The following PTPRR variants were observed in gnomAD, a reference collection of about 807,000 sequenced individuals.
The protein encoded by PTPRR is receptor-type tyrosine-protein phosphatase R.
A neutral mutation model predicts 77.2 loss-of-function variants in PTPRR; 38 were observed. That is an observed-to-expected ratio of 0.49 (90% confidence interval 0.38 to 0.65). The LOEUF is 0.65. PTPRR is among the 30% of genes least tolerant of loss of function. The pLI is 0.00. For missense variants in PTPRR, 744 were observed against 799.2 expected, an observed-to-expected ratio of 0.93 and a Z score of 0.83; for synonymous variants, 299 against 283.1, an observed-to-expected ratio of 1.06 and a Z score of -0.57.
rs371616609 is a variant in PTPRR, at chr12:70,761,641, A to G, written c.472-15T>C. 5.9e-6 allele frequency: 9 copies of G among 1,537,130 alleles called. No individual in the cohort carries two copies. Among genetic ancestry groups the G allele is most frequent in the Non-Finnish European group, 7.9e-6 (9 of 1,138,346 alleles). On this transcript the variant is annotated splice_polypyrimidine_tract_variant and intron_variant, in intron 3 of 13. Transcript: ENST00000283228. ...TTCTTCTTTCCCTAATAAAAGCAGA[A>G]TATTTGTATTTGTTATAGACATTTT...
intron 2 of PTPRR, among the ~76,000 whole-genome samples, chr12:70,823,847 G>C (rs138650417): frequency 6.6e-6 from 1 of 152,320 alleles, no homozygotes; most frequent in Non-Finnish European, 1.5e-5. Flanking sequence ...GCTGCTCCTG[G>C]GTCTTGTAAG....
At chr12:70,908,395 C>G (rs1352666586) in intron 1 of PTPRR, among the ~76,000 whole-genome samples, 2 of 152,126 alleles carry the variant, frequency 1.3e-5, no homozygotes, top group African/African-American at 2.4e-5. Context: ...TTCCGCGTGG[C>G]TGGGAAGGCC....
Position 70,863,613 on chromosome 12 carries a change from T to G in PTPRR, c.357+29066A>C, listed in dbSNP as rs149444873. ...TGATTCCTAAAATGGTCAATTAAATTTTAATAGTTTTTTTTGTTTAACTGA... is the reference window on the plus strand; with the variant it reads ...TGATTCCTAAAATGGTCAATTAAATGTTAATAGTTTTTTTTGTTTAACTGA... On this transcript the variant is annotated intron_variant, in intron 2 of 13. Coordinates refer to ENST00000283228, the MANE Select transcript of PTPRR (RefSeq NM_002849.4). Among the ~76,000 whole-genome samples the G allele has an allele frequency of 7.5e-3, 1,132 of 151,862 alleles. 16 individuals are homozygous for G. Among genetic ancestry groups the G allele is most frequent in the African/African-American group, 0.026 (1,094 of 41,294 alleles).
intron 2 of PTPRR, among the ~76,000 whole-genome samples, chr12:70,766,761 A>C (rs1890834554): frequency 6.6e-6 from 1 of 152,148 alleles, no homozygotes; most frequent in African/African-American, 2.4e-5. Context: ...GGGCAGCCAG[A>C]GAGAAAGGTC....
At chr12:70,704,722 A>T (rs1888554531) in intron 6 of PTPRR, among the ~76,000 whole-genome samples, 1 of 152,162 alleles carries the variant, frequency 6.6e-6, no homozygotes, top group Non-Finnish European at 1.5e-5. Context: ...AGATAAACAT[A>T]TAAACTTATG....
chr12:70,768,170 A>G (rs1592745358), intron 2 of PTPRR, among the ~76,000 whole-genome samples: 3 of 152,116 alleles, frequency 2.0e-5, no homozygotes, highest in South Asian at 2.1e-4. Flanking sequence ...AAATCAGAGC[A>G]GAACTGAAGG....
chr12:70,781,059 G>A (rs1891192927), intron 2 of PTPRR, among the ~76,000 whole-genome samples: 1 of 152,190 alleles, frequency 6.6e-6, no homozygotes, highest in African/African-American at 2.4e-5. Flanking sequence ...TCACTTTCGT[G>A]ATTTGAAGTC....
chr12:70,868,936 A>G (rs147332539), intron 2 of PTPRR, among the ~76,000 whole-genome samples: 11,363 of 150,936 alleles, frequency 0.075, 701 homozygotes, highest in East Asian at 0.22. Flanking sequence ...TCACAAGGAC[A>G]AAAAACCAAA....
chr12:70,832,367 T>C (rs1017545188), intron 2 of PTPRR, among the ~76,000 whole-genome samples: 4 of 152,186 alleles, frequency 2.6e-5, no homozygotes, highest in African/African-American at 7.2e-5. Context: ...ATTCAGGTTT[T>C]TAAAAATGTA....
chr12:70,835,012 A>G (rs1464945053), intron 2 of PTPRR, among the ~76,000 whole-genome samples: 1 of 152,130 alleles, frequency 6.6e-6, no homozygotes, highest in East Asian at 1.9e-4. Flanking sequence ...TATGCTCTTA[A>G]GAAAGACATT....
At chr12:70,690,725 G>C (rs1243505534) in intron 8 of PTPRR, among the ~76,000 whole-genome samples, 2 of 152,124 alleles carry the variant, frequency 1.3e-5, no homozygotes, top group South Asian at 4.1e-4. Flanking sequence ...ATCTGATATT[G>C]GTTAGATTCG....
At chr12:70,676,980 G>T (rs532444736) in intron 10 of PTPRR, among the ~76,000 whole-genome samples, 3 of 151,714 alleles carry the variant, frequency 2.0e-5, no homozygotes, top group Admixed American at 1.3e-4. Flanking sequence ...GATAGGGAAT[G>T]CATTGAATCT....
intron 2 of PTPRR, among the ~76,000 whole-genome samples, chr12:70,842,675 C>T (rs1892416439): frequency 6.6e-6 from 1 of 152,270 alleles, no homozygotes; most frequent in East Asian, 1.9e-4. Flanking sequence ...CTGTATTTCT[C>T]TTAGAAACAC....
chr12:70,712,540 C>T (rs1203227734), intron 6 of PTPRR, among the ~76,000 whole-genome samples: 4 of 148,296 alleles, frequency 2.7e-5, no homozygotes, highest in Non-Finnish European at 4.5e-5. Context: ...TTAGGCATAC[C>T]AGATGAAGTA....
chr12:70,844,853 C>T (rs1892457625), intron 2 of PTPRR, among the ~76,000 whole-genome samples: 1 of 151,704 alleles, frequency 6.6e-6, no homozygotes, highest in African/African-American at 2.4e-5. Context: ...ATGAAAATAC[C>T]AATATAGTAT....
chr12:70,791,835 T>C (rs570703474), intron 2 of PTPRR, among the ~76,000 whole-genome samples: 1 of 152,188 alleles, frequency 6.6e-6, no homozygotes, highest in South Asian at 2.1e-4. Flanking sequence ...GTTGAGCTGA[T>C]TTCAGATATT....
intron 2 of PTPRR, among the ~76,000 whole-genome samples, chr12:70,777,233 C>T (rs1891109695): frequency 6.6e-6 from 1 of 151,754 alleles, no homozygotes; most frequent in Admixed American, 6.6e-5. Flanking sequence ...TTAGTTTATT[C>T]CATTCACTTC....
At chr12:70,745,154 T>C (rs1890173069) in intron 6 of PTPRR, among the ~76,000 whole-genome samples, 1 of 152,112 alleles carries the variant, frequency 6.6e-6, no homozygotes, top group African/African-American at 2.4e-5. Flanking sequence ...AACGTCTGCC[T>C]CCCAGGTTCA....
At chr12:70,790,962 C>A (rs889383682) in intron 2 of PTPRR, among the ~76,000 whole-genome samples, 2 of 152,196 alleles carry the variant, frequency 1.3e-5, no homozygotes, top group Admixed American at 1.3e-4. Context: ...CAACAATATT[C>A]AGAACAAGAC....
Sources: gnomAD v4.1 joint callset for allele counts (sites outside exome capture counted in the v4.1 genomes callset) on GRCh38, gnomAD v4.1.1 for gene constraint, MANE v1.5 for transcripts, NCBI Gene and HGNC (gene_info 2026-07-23, HGNC 2026-07-21) for gene names.